ADAMTS2: variants seen among roughly 807,000 people sequenced by gnomAD.
ADAMTS2 encodes the protein A disintegrin and metalloproteinase with thrombospondin motifs 2.
Under a neutral mutation model 123.0 loss-of-function variants are expected in ADAMTS2, and 50 were observed. That is an observed-to-expected ratio of 0.41 (90% CI 0.32 to 0.51). The LOEUF is 0.51. Ranked by LOEUF, ADAMTS2 falls within the 20% of genes least tolerant of loss-of-function variation. The pLI is 0.35. For missense variants in ADAMTS2, 1,494 were observed against 1,705.2 expected (o/e 0.88, Z 2.18); for synonymous variants, 678 against 695.4 (o/e 0.98, Z 0.39).
At chr5:179,166,180 C>T in intron 5 of ADAMTS2, among the ~76,000 whole-genome samples, 1 of 152,180 alleles carries the variant, frequency 6.6e-6, no homozygotes. Flanking sequence ...TATGCTGGTT[C>T]ACAGAGCTGC....
intron 3 of ADAMTS2, among the ~76,000 whole-genome samples, chr5:179,257,198 A>T (rs1209135049): frequency 1.3e-5 from 2 of 152,246 alleles, no homozygotes; most frequent in Non-Finnish European, 2.9e-5. Context: ...GACAAATCCA[A>T]GCCCAGCTTT....
At position 179,165,620 on chromosome 5, in the gene ADAMTS2, G is replaced by T. The variant is rs188529752; in HGVS notation, c.976-6741C>A. On this transcript the variant is annotated intron_variant, in intron 5 of 21. Transcript: ENST00000251582. ...ACAGGGCAGCCAGTCCCTCCCAGGG[G>T]CAGCCGCGGGCACCCAGCCTCCAGA... Among the ~76,000 whole-genome samples the T allele has an allele frequency of 2.3e-3, 343 of 152,288 alleles. 3 individuals carry two copies. Among genetic ancestry groups the T allele is most frequent in the African/African-American group, 7.8e-3 (325 of 41,556 alleles).
chr5:179,245,541 C>T (rs531698677), intron 3 of ADAMTS2, among the ~76,000 whole-genome samples: 21 of 148,906 alleles, frequency 1.4e-4, no homozygotes, highest in African/African-American at 3.8e-4. Context: ...CCGAGGCAGG[C>T]GGATCACGAG....
chr5:179,325,808 T>C (rs112153047), intron 2 of ADAMTS2, among the ~76,000 whole-genome samples: 10,017 of 152,234 alleles, frequency 0.066, 647 homozygotes, highest in African/African-American at 0.17. Context: ...TCTGCCCCGG[T>C]TTTCTGTCAC....
chr5:179,290,939 C>T (rs1756167759), intron 2 of ADAMTS2, among the ~76,000 whole-genome samples: 1 of 152,198 alleles, frequency 6.6e-6, no homozygotes, highest in Non-Finnish European at 1.5e-5. Context: ...CTGAGCCACC[C>T]TGTGGGCCCT....
intron 5 of ADAMTS2, among the ~76,000 whole-genome samples, chr5:179,167,564 C>T (rs1179396658): frequency 6.6e-6 from 1 of 152,050 alleles, no homozygotes; most frequent in Admixed American, 6.5e-5. Flanking sequence ...AGCCTGGAGG[C>T]CGCCTCCGCT....
At chr5:179,289,813 A>G (rs561958836) in intron 2 of ADAMTS2, among the ~76,000 whole-genome samples, 1 of 152,362 alleles carries the variant, frequency 6.6e-6, no homozygotes, top group South Asian at 2.1e-4. Flanking sequence ...CTTCTGTGAC[A>G]GTCCTGCCAG....
At chr5:179,316,257 C>T (rs1756996490) in intron 2 of ADAMTS2, among the ~76,000 whole-genome samples, 1 of 152,184 alleles carries the variant, frequency 6.6e-6, no homozygotes, top group Non-Finnish European at 1.5e-5. Flanking sequence ...AAGAGGCTGC[C>T]CCATTCCGAG....
chr5:179,183,043 G>A (rs1322937472), intron 4 of ADAMTS2, among the ~76,000 whole-genome samples: 1 of 152,218 alleles, frequency 6.6e-6, no homozygotes, highest in African/African-American at 2.4e-5. Flanking sequence ...AGGTGCAATG[G>A]AATGGTGCTT....
chr5:179,339,494 GT>G (rs1485900550), intron 2 of ADAMTS2, among the ~76,000 whole-genome samples: 1 of 152,204 alleles, frequency 6.6e-6, no homozygotes, highest in Non-Finnish European at 1.5e-5. Context: ...TCCCTTGTTT[GT>G]TTCATCCAAT....
At chr5:179,114,956 T>C (rs1000628496) in intron 21 of ADAMTS2, among the ~76,000 whole-genome samples, 1 of 152,212 alleles carries the variant, frequency 6.6e-6, no homozygotes, top group Non-Finnish European at 1.5e-5. Flanking sequence ...GCATGGGCTT[T>C]CTTATACTTG....
At chr5:179,296,766 T>C (rs992815160) in intron 2 of ADAMTS2, among the ~76,000 whole-genome samples, 4 of 151,448 alleles carry the variant, frequency 2.6e-5, no homozygotes, top group African/African-American at 9.7e-5. Context: ...GCTCCCAGGG[T>C]GGACAGGGGA....
rs1056522275 is a variant in ADAMTS2, at chr5:179,303,220, C to G, written c.535-30156G>C. On this transcript the variant is annotated intron_variant, in intron 2 of 21. Transcript: ENST00000251582. The surrounding 1 kb of genome is among the most constrained non-coding windows in gnomAD (Gnocchi z 4.7). ...GAAATTCCTGTTCAGCAGGGATCTG[C>G]CTATGGCTGTATTTCTGCTGGTAGA... is the stretch of plus-strand genomic sequence containing the variant. Among the ~76,000 whole-genome samples, 1 of 152,128 alleles carries G rather than the reference C, an allele frequency of 6.6e-6. No individual in the cohort carries two copies.
chr5:179,161,051 C>T lies in ADAMTS2; in HGVS notation c.976-2172G>A, dbSNP rs571022222. Among the ~76,000 whole-genome samples, 93 of 152,254 alleles carry T rather than the reference C, an allele frequency of 6.1e-4. 1 individual carries two copies. Among genetic ancestry groups the T allele is most frequent in the African/African-American group, 1.9e-3 (79 of 41,550 alleles). On this transcript the variant is annotated intron_variant, in intron 5 of 21. Transcript: ENST00000251582. ...TACAGCGTGAGCAGGAAATCTTGGT[C>T]GTTTTAAGCCACTGGGATGCAAAGT...
Position 179,285,641 on chromosome 5 carries a change from G to A in ADAMTS2, c.535-12577C>T, listed in dbSNP as rs187646547. On this transcript the variant is annotated intron_variant, in intron 2 of 21. Coordinates refer to ENST00000251582, the MANE Select transcript of ADAMTS2 (RefSeq NM_014244.5). The surrounding 1 kb of genome is among the most constrained non-coding windows in gnomAD (Gnocchi z 4.9). ...TGTGACGAGAACTGACACTCGTCCC[G>A]GCCAGATTCTCTGGCTGACATTTCC... Among the ~76,000 whole-genome samples the A allele has an allele frequency of 2.6e-3, 393 of 152,264 alleles. 1 individual carries two copies. The highest frequency in any genetic ancestry group is 8.7e-3 in the African/African-American group (362 of 41,552).
rs922747856 is a variant in ADAMTS2 at position 179,175,042 on chromosome 5, A to G, written c.975+6030T>C. 3.3e-4 allele frequency among the ~76,000 whole-genome samples: 49 copies of G among 150,522 alleles called. No homozygotes were observed. The highest frequency in any genetic ancestry group is 6.3e-4 in the Non-Finnish European group (43 of 67,770). ...CTTGGGTTCCGCAGCTGTCTCAGCC[A>G]TTCTTGACCGTTCATGTTCCTTTGG... is the stretch of plus-strand genomic sequence containing the variant. On this transcript the variant is annotated intron_variant, in intron 5 of 21. Coordinates refer to ENST00000251582, the MANE Select transcript of ADAMTS2 (RefSeq NM_014244.5). This position sits in a 1 kb window ranked among gnomAD's most constrained non-coding sequence, Gnocchi z 4.1.
In ADAMTS2 at chr5:179,202,077, G is replaced by A. The variant is rs1296103103; in HGVS notation, c.891+5436C>T. The stretch of plus-strand genomic sequence containing the variant: ...TTTCCCATAGAAAAGGGAATATCAC[G>A]TCTTGTCTTTAACATAGACAGGAAG... On this transcript the variant is annotated intron_variant, in intron 4 of 21. Coordinates refer to ENST00000251582, the MANE Select transcript of ADAMTS2 (RefSeq NM_014244.5). This position sits in a 1 kb window ranked among gnomAD's most constrained non-coding sequence, Gnocchi z 4.0. Among the ~76,000 whole-genome samples the A allele has an allele frequency of 2.0e-5, 3 of 152,240 alleles. No homozygotes were observed. The highest frequency in any genetic ancestry group is 2.1e-4 in the South Asian group (1 of 4,812).
chr5:179,130,711 G>A lies in ADAMTS2; in HGVS notation c.2291-613C>T, dbSNP rs894921535. 6.6e-6 allele frequency among the ~76,000 whole-genome samples: 1 copy of A among 152,190 alleles called. No homozygotes were observed. The highest frequency in any genetic ancestry group is 1.5e-5 in the Non-Finnish European group (1 of 68,042). On this transcript the variant is annotated intron_variant, in intron 15 of 21. Coordinates refer to ENST00000251582, the MANE Select transcript of ADAMTS2 (RefSeq NM_014244.5). This position sits in a 1 kb window ranked among gnomAD's most constrained non-coding sequence, Gnocchi z 4.3. Reference sequence around the variant, plus strand: ...GCCCCATGCTCTCTGCAGTGTGGGGGGTGGCTGCTGCGGGGCAGCTGGGTG... The same window carrying A: ...GCCCCATGCTCTCTGCAGTGTGGGGAGTGGCTGCTGCGGGGCAGCTGGGTG...
intron 2 of ADAMTS2, among the ~76,000 whole-genome samples, chr5:179,292,504 C>A (rs1402080570): frequency 2.6e-5 from 4 of 152,062 alleles, no homozygotes. Flanking sequence ...TCCCCTAAAT[C>A]TTCCTTGATA....
Sources: allele counts gnomAD v4.1 joint callset (sites outside exome capture counted in the v4.1 genomes callset), GRCh38; gene constraint gnomAD v4.1.1; non-coding constraint Gnocchi (gnomAD v3.1); transcripts MANE v1.5; gene names NCBI Gene and HGNC (gene_info 2026-07-23, HGNC 2026-07-21).